The following MTHFD2L variants were observed in gnomAD, a reference collection of about 807,000 sequenced individuals.
MTHFD2L encodes bifunctional methylenetetrahydrofolate dehydrogenase/cyclohydrolase 2, mitochondrial.
In MTHFD2L, 29 loss-of-function variants were observed where a neutral mutation model predicts 34.9. The ratio of observed to expected loss-of-function variants is 0.83; its 90% CI spans 0.62 to 1.13. The LOEUF is 1.13. Among genes scored for constraint, MTHFD2L ranks in the 50% most tolerant of loss-of-function variants. MTHFD2L has a pLI of 0.00. For synonymous variants in MTHFD2L, 167 were observed against 155.7 expected (o/e 1.07, Z -0.54); for missense variants, 481 against 446.5 (o/e 1.08, Z -0.70).
chr4:74,132,143 G>T (rs1722559825), intron 1 of MTHFD2L, among the ~76,000 whole-genome samples: 1 of 152,254 alleles, frequency 6.6e-6, no homozygotes, highest in East Asian at 1.9e-4. Flanking sequence ...TTGTTGGTGG[G>T]AGAATAAATT....
At chr4:74,225,502 A>T in intron 6 of MTHFD2L, 108 bp downstream of exon 6, 1 of 796,058 alleles carries the variant, frequency 1.3e-6, no homozygotes, top group Non-Finnish European at 2.1e-6. Flanking sequence ...TTTATGTATG[A>T]CTAACTTCTG....
upstream of MTHFD2L, among the ~76,000 whole-genome samples, chr4:74,122,169 G>C (rs1013274712): frequency 1.8e-4 from 27 of 152,206 alleles, no homozygotes; most frequent in African/African-American, 6.3e-4. Context: ...TTTGGAAATA[G>C]GGGTTGTATT....
intron 6 of MTHFD2L, among the ~76,000 whole-genome samples, chr4:74,245,600 T>C (rs1742320078): frequency 6.6e-6 from 1 of 152,258 alleles, no homozygotes. Flanking sequence ...TAGCATTAGG[T>C]ATATCTCCTA....
At chr4:74,227,424 A>G (rs1397839050) in intron 6 of MTHFD2L, among the ~76,000 whole-genome samples, 1 of 150,862 alleles carries the variant, frequency 6.6e-6, no homozygotes, top group East Asian at 1.9e-4. Flanking sequence ...TATGGGGTGG[A>G]TTCTGTTTCC....
At chr4:74,255,631 C>A (rs138362425) in intron 6 of MTHFD2L, among the ~76,000 whole-genome samples, 2,093 of 152,130 alleles carry the variant, frequency 0.014, 29 homozygotes, top group Middle Eastern at 0.031. Context: ...TTTTTTCAGG[C>A]CTTGTTTCCC....
chr4:74,170,682 G>A (rs991482124), intron 1 of MTHFD2L, among the ~76,000 whole-genome samples: 4 of 151,922 alleles, frequency 2.6e-5, no homozygotes, highest in African/African-American at 9.7e-5. Flanking sequence ...CCCCATATCT[G>A]ATAAAGGACA....
chr4:74,143,683 A>T (rs1262315318), intron 1 of MTHFD2L, among the ~76,000 whole-genome samples: 1 of 152,214 alleles, frequency 6.6e-6, no homozygotes, highest in Non-Finnish European at 1.5e-5. Context: ...ATACTAGAAC[A>T]TTGGTAAGAA....
chr4:74,267,545 A>G (rs533444927), intron 6 of MTHFD2L, among the ~76,000 whole-genome samples: 18 of 151,884 alleles, frequency 1.2e-4, no homozygotes, highest in Non-Finnish European at 2.2e-4. Flanking sequence ...CACCCTCCCA[A>G]GTAGCTGGGA....
chr4:74,208,496 T>C (rs1435957225), intron 5 of MTHFD2L, among the ~76,000 whole-genome samples: 1 of 152,202 alleles, frequency 6.6e-6, no homozygotes, highest in Admixed American at 6.5e-5. Flanking sequence ...AATTCCTCTC[T>C]TTCTCCATGA....
intron 6 of MTHFD2L, among the ~76,000 whole-genome samples, chr4:74,237,993 G>A (rs1351191973): frequency 6.6e-6 from 1 of 152,166 alleles, no homozygotes; most frequent in Non-Finnish European, 1.5e-5. Context: ...GTTACTGAAT[G>A]TCTGTTGCAG....
At chr4:74,229,717 G>T (rs1739717261) in intron 6 of MTHFD2L, among the ~76,000 whole-genome samples, 1 of 151,814 alleles carries the variant, frequency 6.6e-6, no homozygotes, top group South Asian at 2.1e-4. Context: ...TTTTAAAATT[G>T]CCCCCAAAAT....
Position 74,118,235 on chromosome 4 carries a change from G to A in MTHFD2L, c.-144+3578G>A, listed in dbSNP as rs370277911. Among the ~76,000 whole-genome samples, 8 of 152,258 alleles carry A rather than the reference G, an allele frequency of 5.3e-5. No individual in the cohort carries two copies. In the South Asian group the frequency reaches 1.2e-3, roughly 24 times the overall value. ...TATAGAATAAAAGTTTGCTTTTCTT[G>A]TCTAGTGAGCACATTAATACAGATT... On this transcript the variant is annotated intron_variant and NMD_transcript_variant, in intron 2 of 9. Transcript: ENST00000429519.
In MTHFD2L at chr4:74,222,096, C is replaced by T. The variant is rs140129563; in HGVS notation, c.713-3206C>T. Among the ~76,000 whole-genome samples the T allele has an allele frequency of 1.8e-3, 281 of 152,048 alleles. 2 individuals are homozygous for T. Among genetic ancestry groups the T allele is most frequent in the Non-Finnish European group, 3.3e-3 (221 of 67,954 alleles). On this transcript the variant is annotated intron_variant, in intron 5 of 7. Transcript: ENST00000325278. Reference sequence around the variant, plus strand: ...ATTATCTGGTTGGTCAGCTTTTAAACATTTGTTGATTCCTGTTATTACATA... The same window carrying T: ...ATTATCTGGTTGGTCAGCTTTTAAATATTTGTTGATTCCTGTTATTACATA...
intron 1 of MTHFD2L, among the ~76,000 whole-genome samples, chr4:74,138,735 G>A (rs1350882887): frequency 6.6e-6 from 1 of 152,104 alleles, no homozygotes; most frequent in East Asian, 1.9e-4. Context: ...TAAGAAACAT[G>A]GACCAGAAGA....
intron 7 of MTHFD2L, among the ~76,000 whole-genome samples, chr4:74,300,256 T>C (rs1273450855): frequency 6.6e-6 from 1 of 152,058 alleles, no homozygotes; most frequent in Non-Finnish European, 1.5e-5. Flanking sequence ...TAACTATATA[T>C]ATTTTGTGAT....
At chr4:74,147,094 T>A (rs923881462) in intron 1 of MTHFD2L, among the ~76,000 whole-genome samples, 3 of 152,164 alleles carry the variant, frequency 2.0e-5, no homozygotes, top group Non-Finnish European at 2.9e-5. Flanking sequence ...TTTGCTGTTG[T>A]TTCTTGTGGA....
intron 6 of MTHFD2L, among the ~76,000 whole-genome samples, chr4:74,248,272 G>A (rs1391328799): frequency 1.3e-5 from 2 of 152,170 alleles, no homozygotes; most frequent in African/African-American, 4.8e-5. Context: ...TTGCATAGAG[G>A]TGTTTGTAGT....
chr4:74,188,249 A>G (rs1219709190), intron 3 of MTHFD2L, among the ~76,000 whole-genome samples: 1 of 152,182 alleles, frequency 6.6e-6, no homozygotes, highest in Non-Finnish European at 1.5e-5. Context: ...AACAGCAGAA[A>G]TGTATTTTCT....
intron 1 of MTHFD2L, chr4:74,161,093 A>G (rs1725351859): frequency 6.6e-6 from 1 of 152,210 alleles, no homozygotes; most frequent in Admixed American, 6.5e-5. Context: ...TACTGCCTAC[A>G]GGTCTTTATG....
Sources: gnomAD v4.1 joint callset for allele counts (sites outside exome capture counted in the v4.1 genomes callset) on GRCh38, gnomAD v4.1.1 for gene constraint, MANE v1.5 for transcripts, NCBI Gene and HGNC (gene_info 2026-07-23, HGNC 2026-07-21) for gene names.